PPP6R2: variants seen among roughly 807,000 people sequenced by gnomAD.
PPP6R2 encodes serine/threonine-protein phosphatase 6 regulatory subunit 2.
PPP6R2 carries 62 observed loss-of-function variants against 100.2 expected under a neutral mutation model. The observed-to-expected ratio is 0.62, with a 90% CI of 0.50 to 0.76. The LOEUF is 0.76. Among genes scored for constraint, PPP6R2 ranks in the 30% least tolerant of loss-of-function variants. PPP6R2 has a pLI of 0.00. For synonymous variants in PPP6R2, 525 were observed against 514.7 expected (o/e 1.02, Z -0.27); for missense variants, 1,142 against 1,276.3 (o/e 0.89, Z 1.60).
At chr22:50,385,716 A>G (rs1319206695) in intron 2 of PPP6R2, among the ~76,000 whole-genome samples, 2 of 145,786 alleles carry the variant, frequency 1.4e-5, no homozygotes, top group East Asian at 4.1e-4. Flanking sequence ...GGGTTTCACC[A>G]TGTTGGCCAG....
intron 4 of PPP6R2, among the ~76,000 whole-genome samples, chr22:50,412,621 A>G (rs1330403339): frequency 2.1e-5 from 3 of 144,560 alleles, no homozygotes; most frequent in Non-Finnish European, 4.5e-5. Context: ...TTGTCAGTTT[A>G]AATAAGTCCT....
intron 1 of PPP6R2, among the ~76,000 whole-genome samples, chr22:50,370,798 T>C (rs112733459): frequency 5.3e-5 from 8 of 150,768 alleles, no homozygotes; most frequent in African/African-American, 2.0e-4. Context: ...TGTGCCTCGC[T>C]AGTTTTTGTA....
rs372425698 is a variant in PPP6R2 at position 50,386,229 on chromosome 22, G to A, written c.-16-7664G>A. Among the ~76,000 whole-genome samples the A allele has an allele frequency of 2.8e-4, 42 of 151,664 alleles. No homozygotes were observed. The South Asian group carries it at 8.3e-3, about 30-fold the overall frequency. The stretch of plus-strand genomic sequence containing the variant: ...GCAATCTCTGCTCACTGCAACCTCT[G>A]CCTGCTGGGTTCAAGCGATTCTCCT... On this transcript the variant is annotated intron_variant, in intron 2 of 23. Coordinates refer to ENST00000612753, the MANE Select transcript of PPP6R2 (RefSeq NM_001242898.2).
intron 2 of PPP6R2, among the ~76,000 whole-genome samples, chr22:50,383,064 C>T (rs540203664): frequency 6.6e-6 from 1 of 152,234 alleles, no homozygotes; most frequent in East Asian, 1.9e-4. Flanking sequence ...TCTCAAACTC[C>T]TGACCTCATG....
chr22:50,444,369 G>A lies in PPP6R2; in HGVS notation c.*122G>A. 7.7e-7 allele frequency: 1 copy of A among 1,290,594 alleles called. No individual in the cohort carries two copies. Among genetic ancestry groups the A allele is most frequent in the Middle Eastern group, 2.6e-4 (1 of 3,776 alleles). 79.9% of individuals were successfully genotyped at this position (1,290,594 alleles called of 1,614,324 possible). Reference sequence around the variant, plus strand: ...TTAATTTTAAAATAAATGCTGCATTGGTAAAGCTGGCAGTTGAAACCAGTT... The same window carrying A: ...TTAATTTTAAAATAAATGCTGCATTAGTAAAGCTGGCAGTTGAAACCAGTT... On this transcript the variant is annotated 3_prime_UTR_variant, in exon 24 of 24. Transcript: ENST00000612753.
intron 2 of PPP6R2, among the ~76,000 whole-genome samples, chr22:50,392,922 G>A (rs1320247909): frequency 6.6e-6 from 1 of 152,146 alleles, no homozygotes; most frequent in African/African-American, 2.4e-5. Flanking sequence ...AATTAGATAA[G>A]ATAAATTCCA....
Position 50,406,744 on chromosome 22 carries a change from C to T in PPP6R2, c.283C>T (p.Arg95Cys), listed in dbSNP as rs143049560. 106 of 1,614,034 alleles carry T rather than the reference C, an allele frequency of 6.6e-5. 1 individual carries two copies. The highest frequency in any genetic ancestry group is 1.6e-4 in the Middle Eastern group (1 of 6,062). Residue 95 changes from arginine (R) to cysteine (C), a missense_variant, in exon 4 of 24, where the codon CGC becomes TGC. Physicochemically the swap from Arg to Cys is radical, Grantham distance 180. This residue lies in a region of PPP6R2 where 592 missense variants were observed against 758.9 expected (regional missense o/e 0.78). Transcript: ENST00000612753. ...TTGTGATGTGCCGCAGATCAGCGAC[C>T]GCCTCGGTGGGGACGAGAGCCTGCT... ...LTCDVPQISD[R>C]LGGDESLLSL...
chr22:50,426,637 C>A (rs567268719), intron 10 of PPP6R2, among the ~76,000 whole-genome samples: 1 of 152,202 alleles, frequency 6.6e-6, no homozygotes, highest in Non-Finnish European at 1.5e-5. Flanking sequence ...GAGTTTGTGA[C>A]CAGCCTGGCC....
In PPP6R2 at chr22:50,427,945, C is replaced by A. The variant is rs186354394; in HGVS notation, c.1126-3228C>A. ...CCATATTAGCCAGGACGGTCTCGAT[C>A]TCCTGACCTCGTGATCCGCCCACCT... On this transcript the variant is annotated intron_variant, in intron 10 of 23. Coordinates refer to ENST00000612753, the MANE Select transcript of PPP6R2 (RefSeq NM_001242898.2). Among the ~76,000 whole-genome samples the A allele has an allele frequency of 4.6e-5, 7 of 152,380 alleles. No homozygotes were observed. In the East Asian group the frequency reaches 1.3e-3, roughly 29 times the overall value.
intron 2 of PPP6R2, among the ~76,000 whole-genome samples, chr22:50,382,836 A>ATTTTTTTTTTTTTTTT (rs532410577): frequency 7.1e-6 from 1 of 141,278 alleles, no homozygotes. Flanking sequence ...TTACAAGCAA[A>ATTTTTTTTTTTTTTTT]TTTTTTTTTT....
intron 19 of PPP6R2, 70 bp downstream of exon 19, chr22:50,438,832 T>C: frequency 2.8e-6 from 4 of 1,430,560 alleles, no homozygotes; most frequent in South Asian, 2.7e-5. Context: ...GCCTGGGTGT[T>C]GTGGAGGCTT....
intron 15 of PPP6R2, 26 bp from the exon 16 acceptor site, chr22:50,437,480 T>TACCAGCC: frequency 1.4e-6 from 1 of 728,390 alleles, no homozygotes; most frequent in Non-Finnish European, 2.5e-6. Context: ...TGTCTGTCCG[T>TACCAGCC]CCCTCCCTCC....
chr22:50,394,165 C>T (rs368164557), intron 3 of PPP6R2, 30 bp downstream of exon 3: 113 of 1,607,414 alleles, frequency 7.0e-5, no homozygotes, highest in African/African-American at 4.3e-4. Flanking sequence ...CGGGCCAGTA[C>T]GCCAGGCAGT....
rs2061539486 is a variant in PPP6R2 at position 50,423,005 on chromosome 22, G to A, written c.973-457G>A. On this transcript the variant is annotated intron_variant, in intron 9 of 23. Coordinates refer to ENST00000612753, the MANE Select transcript of PPP6R2 (RefSeq NM_001242898.2). This position sits in a 1 kb window ranked among gnomAD's most constrained non-coding sequence, Gnocchi z 4.8. ...GTGTGGGGGATCAGAAAAGACCGCGGTCCATCGGAGGAGGCATTCCCGTCA... is the reference window on the plus strand; with the variant it reads ...GTGTGGGGGATCAGAAAAGACCGCGATCCATCGGAGGAGGCATTCCCGTCA... 6.6e-6 allele frequency among the ~76,000 whole-genome samples: 1 copy of A among 152,042 alleles called. No individual in the cohort carries two copies. The highest frequency in any genetic ancestry group is 1.5e-5 in the Non-Finnish European group (1 of 68,020).
intron 17 of PPP6R2, 79 bp downstream of exon 17, chr22:50,437,979 TG>T: frequency 6.4e-7 from 1 of 1,556,764 alleles, no homozygotes; most frequent in Non-Finnish European, 8.8e-7. Flanking sequence ...CGGTCTGTCA[TG>T]GGCCTGTGCG....
intron 3 of PPP6R2, among the ~76,000 whole-genome samples, chr22:50,397,023 A>AG (rs1386719963): frequency 6.6e-6 from 1 of 152,122 alleles, no homozygotes; most frequent in African/African-American, 2.4e-5. Flanking sequence ...GAGAGTGGGG[A>AG]GGGGTCTTCT....
intron 3 of PPP6R2, among the ~76,000 whole-genome samples, chr22:50,396,604 C>T (rs903365593): frequency 1.3e-5 from 2 of 152,202 alleles, no homozygotes; most frequent in Non-Finnish European, 2.9e-5. Context: ...CAGCCACACT[C>T]ATCCACGTCT....
At chr22:50,365,463 G>A (rs1310643493) in intron 1 of PPP6R2, among the ~76,000 whole-genome samples, 1 of 151,960 alleles carries the variant, frequency 6.6e-6, no homozygotes, top group Non-Finnish European at 1.5e-5. Flanking sequence ...TGGATCATGA[G>A]GTCAGGAGAT....
chr22:50,335,613 G>T, the PPP6R2 span, among the ~76,000 whole-genome samples: 2,339 of 151,348 alleles, frequency 0.015, 31 homozygotes, highest in South Asian at 0.034. Context: ...CTGGGTTCAG[G>T]TGATTCTCCT....
Sources: gnomAD v4.1 joint callset for allele counts (sites outside exome capture counted in the v4.1 genomes callset) on GRCh38, gnomAD v4.1.1 for gene constraint, gnomAD v4.1.1 regional missense constraint, Gnocchi (gnomAD v3.1) non-coding constraint, MANE v1.5 for transcripts, NCBI Gene and HGNC (gene_info 2026-07-23, HGNC 2026-07-21) for gene names.